The following BRCA2 variants were observed in gnomAD, a reference collection of about 807,000 sequenced individuals.
BRCA2 encodes breast cancer type 2 susceptibility protein.
Under a neutral mutation model 276.7 loss-of-function variants are expected in BRCA2, and 203 were observed. The ratio of observed to expected loss-of-function variants is 0.73; its 90% CI spans 0.65 to 0.82. The LOEUF (loss-of-function observed/expected upper bound fraction) is 0.82, where lower values mean the gene tolerates loss of function less well. Ranked by LOEUF, BRCA2 falls within the 40% of genes least tolerant of loss-of-function variation. The pLI, the probability that BRCA2 is intolerant of heterozygous loss-of-function variation, is 0.00. For missense variants in BRCA2, 3,920 were observed against 3,915.0 expected, an observed-to-expected ratio of 1.00 and a Z score of -0.03; for synonymous variants, 1,289 against 1,338.4, an observed-to-expected ratio of 0.96 and a Z score of 0.81.
intron 18 of BRCA2, among the ~76,000 whole-genome samples, chr13:32,367,866 G>A (rs2072795117): frequency 6.6e-6 from 1 of 151,878 alleles, no homozygotes; most frequent in African/African-American, 2.4e-5. Context: ...TCTCTTATAT[G>A]ATCTATATTT....
In BRCA2 at chr13:32,336,917, C is replaced by G. The variant is rs1555282746; in HGVS notation, c.2562C>G (p.Asn854Lys). The change falls in exon 11 of 27, where the codon AAC becomes AAG. Residue 854 changes from asparagine to lysine, a missense_variant. Coordinates refer to ENST00000380152, the MANE Select transcript of BRCA2 (RefSeq NM_000059.4). ...SPSRKVQFNQ[N>K]TNLRVIQKNQ... ...CAAGAAAGGTACAATTCAACCAAAACACAAATCTAAGAGTAATCCAAAAAA... is the reference window on the plus strand; with the variant it reads ...CAAGAAAGGTACAATTCAACCAAAAGACAAATCTAAGAGTAATCCAAAAAA... The G allele has an allele frequency of 6.2e-7, 1 of 1,606,684 alleles. No individual in the cohort carries two copies. The highest frequency in any genetic ancestry group is 2.2e-5 in the East Asian group (1 of 44,828).
intron 24 of BRCA2, chr13:32,385,774 T>C: frequency 5.5e-6 from 1 of 180,854 alleles, no homozygotes. Context: ...AAAAGTGTTG[T>C]GCATGAAACC....
In BRCA2 at chr13:32,333,887, C is replaced by T. The variant is rs2072429757; in HGVS notation, c.1909+500C>T. 2.6e-5 allele frequency among the ~76,000 whole-genome samples: 4 copies of T among 152,258 alleles called. 1 individual carries two copies. The South Asian group carries it at 8.3e-4, about 32-fold the overall frequency. ...ACATGTGATGTTTAGTTTTCTGTTC[C>T]TGCATTAGTTTGCTTAGGATAATGG... On this transcript the variant is annotated intron_variant, in intron 10 of 26. Coordinates refer to ENST00000380152, the MANE Select transcript of BRCA2 (RefSeq NM_000059.4).
rs1270782417 is a variant in BRCA2 at position 32,354,809 on chromosome 13, A to G, written c.7008-52A>G. 6.4e-6 allele frequency: 8 copies of G among 1,251,594 alleles called. No homozygotes were observed. The Admixed American group carries it at 1.4e-4, about 21-fold the overall frequency. The allele number at this position is 1,251,594 out of a possible 1,614,324, so 77.5% of individuals were successfully genotyped here. A position where few individuals can be genotyped will look rare whatever the true frequency, so the allele number is the denominator to read the frequency against. On this transcript the variant is annotated intron_variant, in intron 13 of 26. Transcript: ENST00000380152. ...GTCTGCAACAAAGGCATATTCCTAA[A>G]TATTTATATGTGTACTAGTCAATAA...
intron 13 of BRCA2, among the ~76,000 whole-genome samples, chr13:32,352,516 A>G (rs942213344): frequency 4.6e-5 from 7 of 152,240 alleles, no homozygotes; most frequent in African/African-American, 1.7e-4. Context: ...ACATAGAAAA[A>G]TTATCAGCTA....
chr13:32,396,689 C>T (rs2073038783), intron 25 of BRCA2: 3 of 594,420 alleles, frequency 5.0e-6, no homozygotes, highest in Non-Finnish European at 8.9e-6. Flanking sequence ...TTTCTCTGTT[C>T]CCCTCTCCCT....
At chr13:32,375,302 T>G in intron 20 of BRCA2, 1 of 402,932 alleles carries the variant, frequency 2.5e-6, no homozygotes, top group Non-Finnish European at 4.9e-6. Context: ...CAGGCTTTAC[T>G]TCTAATTCTA....
In BRCA2 at chr13:32,326,480, C is replaced by T. The variant is rs11571623; in HGVS notation, c.517-19C>T. ...TCAGGGCATTTCTATAAAAAATAAA[C>T]TATTTTCTTTCCTCCCAGGGTCGTC... On this transcript the variant is annotated intron_variant, in intron 6 of 26. Transcript: ENST00000380152. The T allele has an allele frequency of 1.2e-3, 1,873 of 1,558,518 alleles. 16 individuals are homozygous for T. In the African/African-American group the frequency reaches 0.022, roughly 19 times the overall value.
chr13:32,394,224 TTTATAA>T (rs2073017593), intron 24 of BRCA2, among the ~76,000 whole-genome samples: 1 of 152,192 alleles, frequency 6.6e-6, no homozygotes, highest in African/African-American at 2.4e-5. Context: ...CTTCCAATAT[TTTATAA>T]TTATAATGTT....
intron 24 of BRCA2, 68 bp downstream of exon 24, chr13:32,380,213 A>G (rs568020053): frequency 6.6e-7 from 1 of 1,510,638 alleles, no homozygotes; most frequent in East Asian, 2.4e-5. Context: ...AAAATCTCTT[A>G]TGATTAGTTG....
intron 11 of BRCA2, 49 bp from the exon 12 acceptor site, chr13:32,344,509 A>T (rs557985332): frequency 8.0e-7 from 1 of 1,253,268 alleles, no homozygotes; most frequent in Admixed American, 1.9e-5. Flanking sequence ...TTGAGAAATA[A>T]AACTGATATT....
rs931656287 is a variant in BRCA2, at chr13:32,335,332, G to A, written c.1910-933G>A. ...TGCACTCCAGCCTGGGTGACAGAAC[G>A]AGACTCCATCTCAAAAAAAAAAAAA... On this transcript the variant is annotated intron_variant, in intron 10 of 26. Transcript: ENST00000380152. Among the ~76,000 whole-genome samples the A allele has an allele frequency of 5.7e-5, 8 of 140,396 alleles. No individual in the cohort carries two copies. In the East Asian group the frequency reaches 1.5e-3, roughly 25 times the overall value. The allele number at this position is 140,396 out of a possible 152,430, so 92.1% of individuals were successfully genotyped here. A position where few individuals can be genotyped will look rare whatever the true frequency, so the allele number is the denominator to read the frequency against.
rs760842499 is a variant in BRCA2 at position 32,327,672 on chromosome 13, CAAAA to C, written c.631+1071_631+1074del. Reference sequence around the variant, plus strand: ...TGGGCAACAGAGCAAGACTCTGTCTCAAAAAAAAAAAAAAATCCTGTTATAAAAC... The same window carrying C: ...TGGGCAACAGAGCAAGACTCTGTCTCAAAAAAAAAAATCCTGTTATAAAAC... On this transcript the variant is annotated intron_variant, in intron 7 of 26. Coordinates refer to ENST00000380152, the MANE Select transcript of BRCA2 (RefSeq NM_000059.4). Among the ~76,000 whole-genome samples the C allele has an allele frequency of 2.2e-3, 265 of 119,990 alleles. 1 individual carries two copies. Among genetic ancestry groups the C allele is most frequent in the Middle Eastern group, 0.019 (4 of 216 alleles). 78.7% of individuals were successfully genotyped at this position (119,990 alleles called of 152,430 possible).
At chr13:32,355,495 T>A (rs996557823) in intron 14 of BRCA2, among the ~76,000 whole-genome samples, 1 of 152,182 alleles carries the variant, frequency 6.6e-6, no homozygotes, top group Non-Finnish European at 1.5e-5. Flanking sequence ...TTAAAAAAAA[T>A]TAGACACACA....
In BRCA2 at chr13:32,329,354, A is replaced by G. The variant is rs1464399755; in HGVS notation, c.632-89A>G. ...TGTTTCAAATGTGTCATGTAATCAA[A>G]TAGTAGATGTGCTTTTTGATGTCTG... On this transcript the variant is annotated intron_variant, in intron 7 of 26. Transcript: ENST00000380152. 3 of 861,570 alleles carry G rather than the reference A, an allele frequency of 3.5e-6. No individual in the cohort carries two copies. The African/African-American group carries it at 5.1e-5, about 15-fold the overall frequency. The allele number at this position is 861,570 out of a possible 1,614,324, so 53.4% of individuals were successfully genotyped here.
intron 24 of BRCA2, among the ~76,000 whole-genome samples, chr13:32,383,226 G>A (rs2072936579): frequency 6.9e-6 from 1 of 144,560 alleles, no homozygotes; most frequent in African/African-American, 2.5e-5. Flanking sequence ...CGGGTGTGGT[G>A]GCGGGCGCCT....
At chr13:32,395,363 GATA>G (rs2073028782) in intron 25 of BRCA2, among the ~76,000 whole-genome samples, 1 of 152,070 alleles carries the variant, frequency 6.6e-6, no homozygotes, top group Non-Finnish European at 1.5e-5. Flanking sequence ...AAGAGACACT[GATA>G]TTATTTTCCC....
chr13:32,391,796 T>G (rs926895930), intron 24 of BRCA2, among the ~76,000 whole-genome samples: 3 of 152,242 alleles, frequency 2.0e-5, no homozygotes, highest in African/African-American at 7.2e-5. Context: ...TAAAAATTCT[T>G]CCAGTTGTTA....
At chr13:32,316,658 A>G (rs2072263861) in intron 2 of BRCA2, 131 bp downstream of exon 2, 1 of 783,726 alleles carries the variant, frequency 1.3e-6, no homozygotes, top group African/African-American at 1.8e-5. Flanking sequence ...GTATAAATCC[A>G]GTTAACAACA....
Sources: gnomAD v4.1 joint callset for allele counts (sites outside exome capture counted in the v4.1 genomes callset) on GRCh38, gnomAD v4.1.1 for gene constraint, MANE v1.5 for transcripts, NCBI Gene and HGNC (gene_info 2026-07-23, HGNC 2026-07-21) for gene names.